Variants in OSBPL9 observed in about 807,000 individuals in gnomAD.
OSBPL9 encodes the protein oxysterol binding protein like 9.
Under a neutral mutation model 106.6 loss-of-function variants are expected in OSBPL9, and 40 were observed. That is an observed-to-expected ratio of 0.38 (90% CI 0.29 to 0.49). OSBPL9 has a LOEUF of 0.49. Ranked by LOEUF, OSBPL9 falls within the 20% of genes least tolerant of loss-of-function variation. The pLI, the probability that OSBPL9 is intolerant of heterozygous loss-of-function variation, is 0.97. For missense variants in OSBPL9, 609 were observed against 887.2 expected, an observed-to-expected ratio of 0.69 and a Z score of 3.98; for synonymous variants, 269 against 295.4, an observed-to-expected ratio of 0.91 and a Z score of 0.92.
At position 51,639,816 on chromosome 1, in the gene OSBPL9, GTTTTTTTTTTTT is replaced by G. The variant is rs758174157; in HGVS notation, c.112-12160_112-12149del. ...CAGATTCGGGGAGGCATTCCTAGTT[GTTTTTTTTTTTT>G]TTTTTTTTTTTTTTGAGATAGGGTC... is the stretch of plus-strand genomic sequence containing the variant. On this transcript the variant is annotated intron_variant, in intron 1 of 23. Transcript: ENST00000428468. Among the ~76,000 whole-genome samples the G allele has an allele frequency of 1.6e-4, 11 of 67,048 alleles. No individual in the cohort carries two copies. In the South Asian group the frequency reaches 4.0e-3, roughly 24 times the overall value. 44.0% of individuals were successfully genotyped at this position (67,048 alleles called of 152,430 possible).
chr1:51,704,173 C>T (rs1166300445), intron 3 of OSBPL9, among the ~76,000 whole-genome samples: 4 of 152,188 alleles, frequency 2.6e-5, no homozygotes, highest in Non-Finnish European at 5.9e-5. Context: ...GGAGGATTCC[C>T]TCTTTTTCTA....
At position 51,631,546 on chromosome 1, in the gene OSBPL9, G is replaced by GA. The variant is rs1009743563; in HGVS notation, c.111+14335dup. On this transcript the variant is annotated intron_variant, in intron 1 of 23. Coordinates refer to ENST00000428468, the MANE Select transcript of OSBPL9 (RefSeq NM_024586.6). The stretch of plus-strand genomic sequence containing the variant: ...ACAGAGCAAGACCCTGTCTCAAAAA[G>GA]AAAAAAAAAAGACCAACCTTAGGTT... Among the ~76,000 whole-genome samples, 65 of 145,538 alleles carry GA rather than the reference G, an allele frequency of 4.5e-4. 1 individual carries two copies. Among genetic ancestry groups the GA allele is most frequent in the Admixed American group, 2.0e-3 (30 of 14,654 alleles).
At chr1:51,632,920 G>A (rs1018505933) in intron 1 of OSBPL9, among the ~76,000 whole-genome samples, 1 of 151,806 alleles carries the variant, frequency 6.6e-6, no homozygotes, top group East Asian at 1.9e-4. Flanking sequence ...TTGAAGTAAA[G>A]TTAGACTTGA....
At chr1:51,611,411 T>C (rs1190353665) in intron 2 of OSBPL9, among the ~76,000 whole-genome samples, 3 of 152,206 alleles carry the variant, frequency 2.0e-5, no homozygotes, top group Admixed American at 2.0e-4. Context: ...TGTTGTTTTA[T>C]TTGATGCTCG....
intron 1 of OSBPL9, among the ~76,000 whole-genome samples, chr1:51,621,125 G>C (rs1196294551): frequency 6.6e-6 from 1 of 152,198 alleles, no homozygotes; most frequent in East Asian, 1.9e-4. Flanking sequence ...GGCCAGTCTT[G>C]TTTTATTAGT....
the OSBPL9 span, among the ~76,000 whole-genome samples, chr1:51,572,122 A>C: frequency 1.3e-5 from 2 of 152,186 alleles, no homozygotes; most frequent in East Asian, 3.8e-4. Context: ...AGTGGATTTA[A>C]AATTTAAGAT....
chr1:51,781,913 T>C (rs547971256), intron 16 of OSBPL9, among the ~76,000 whole-genome samples: 5 of 152,072 alleles, frequency 3.3e-5, no homozygotes, highest in South Asian at 2.1e-4. Context: ...AGCTGTCAAG[T>C]AGGGAGATGG....
intron 2 of OSBPL9, among the ~76,000 whole-genome samples, chr1:51,601,066 G>A (rs538013440): frequency 6.3e-4 from 96 of 152,270 alleles, no homozygotes; most frequent in African/African-American, 2.2e-3. Flanking sequence ...AACTGCAGCT[G>A]TAACACTGTC....
At position 51,687,442 on chromosome 1, in the gene OSBPL9, A is replaced by G. The variant is rs376625451; in HGVS notation, c.241+17930A>G. Among the ~76,000 whole-genome samples the G allele has an allele frequency of 2.5e-4, 38 of 152,370 alleles. No homozygotes were observed. The East Asian group carries it at 2.7e-3, about 11-fold the overall frequency. The stretch of plus-strand genomic sequence containing the variant: ...ATAATTACAGTACAACATAAGTGCC[A>G]TAGAGACCTATGGAAATGTTGAAGA... On this transcript the variant is annotated intron_variant, in intron 3 of 23. Coordinates refer to ENST00000428468, the MANE Select transcript of OSBPL9 (RefSeq NM_024586.6).
intron 3 of OSBPL9, among the ~76,000 whole-genome samples, chr1:51,678,239 C>T (rs1651748311): frequency 6.6e-6 from 1 of 152,062 alleles, no homozygotes; most frequent in Admixed American, 6.6e-5. Flanking sequence ...TTTGAATATA[C>T]TTTCAAAGCA....
the OSBPL9 span, among the ~76,000 whole-genome samples, chr1:51,520,726 C>T: frequency 6.6e-6 from 1 of 152,218 alleles, no homozygotes; most frequent in Admixed American, 6.5e-5. Flanking sequence ...GTTAGCCCCA[C>T]CTAAGTTTTT....
chr1:51,675,372 T>TTA (rs1557673788), intron 3 of OSBPL9, among the ~76,000 whole-genome samples: 102 of 150,572 alleles, frequency 6.8e-4, no homozygotes, highest in African/African-American at 2.3e-3. Context: ...TTAATTAATT[T>TTA]ATTTATTTAT....
chr1:51,608,489 AG>A (rs981343278), intron 2 of OSBPL9, among the ~76,000 whole-genome samples: 5 of 151,540 alleles, frequency 3.3e-5, no homozygotes, highest in African/African-American at 1.2e-4. Flanking sequence ...TAGTAGAGAA[AG>A]GGTTTCACCA....
chr1:51,557,747 C>T, the OSBPL9 span, among the ~76,000 whole-genome samples: 3 of 152,266 alleles, frequency 2.0e-5, no homozygotes, highest in South Asian at 2.1e-4. Context: ...AAAATGGCAA[C>T]GGTAAGTCCT....
chr1:51,735,489 T>G (rs1173840753), intron 4 of OSBPL9, among the ~76,000 whole-genome samples: 1 of 152,186 alleles, frequency 6.6e-6, no homozygotes, highest in East Asian at 1.9e-4. Context: ...CACTCTAAAT[T>G]GCATCCTCTG....
intron 22 of OSBPL9, 78 bp downstream of exon 22, chr1:51,786,695 A>C (rs574858197): frequency 8.5e-7 from 1 of 1,176,462 alleles, no homozygotes; most frequent in South Asian, 1.3e-5. Context: ...GCTGGGTTTG[A>C]GAGACAGTAG....
At chr1:51,547,368 C>T in the OSBPL9 span, among the ~76,000 whole-genome samples, 2 of 151,976 alleles carry the variant, frequency 1.3e-5, no homozygotes, top group Non-Finnish European at 2.9e-5. Flanking sequence ...TAAAACAGTG[C>T]TCAGTGAAAA....
At chr1:51,776,611 T>C (rs1378841939) in intron 14 of OSBPL9, among the ~76,000 whole-genome samples, 1 of 152,180 alleles carries the variant, frequency 6.6e-6, no homozygotes, top group Non-Finnish European at 1.5e-5. Context: ...ATTTGAACAT[T>C]CAAAAGTCTT....
At chr1:51,658,033 A>C (rs1018446748) in intron 2 of OSBPL9, among the ~76,000 whole-genome samples, 3 of 151,920 alleles carry the variant, frequency 2.0e-5, no homozygotes, top group Non-Finnish European at 4.4e-5. Context: ...ACTTGAGTGC[A>C]GGAGGTCGAG....
Sources: gnomAD v4.1 joint callset for allele counts (sites outside exome capture counted in the v4.1 genomes callset) on GRCh38, gnomAD v4.1.1 for gene constraint, MANE v1.5 for transcripts, NCBI Gene and HGNC (gene_info 2026-07-23, HGNC 2026-07-21) for gene names.